Variants in TCHH observed in about 807,000 individuals in gnomAD.
TCHH encodes trichohyalin.
In TCHH, 6 loss-of-function variants were observed where a neutral mutation model predicts 6.3. The observed-to-expected ratio is 0.95, with a 90% CI of 0.52 to 1.88. TCHH has a LOEUF of 1.88. Among genes scored for constraint, TCHH ranks in the 40% most tolerant of loss-of-function variants. The pLI, the probability that TCHH is intolerant of heterozygous loss-of-function variation, is 0.01. For missense variants in TCHH, 2,920 were observed against 2,449.1 expected (o/e 1.19, Z -4.06); for synonymous variants, 1,087 against 963.6 (o/e 1.13, Z -2.37).
In TCHH at chr1:152,111,372, C is replaced by A; in HGVS notation, c.1845G>T (p.Arg615Ser). 1 of 1,612,104 alleles carries A rather than the reference C, an allele frequency of 6.2e-7. No individual in the cohort carries two copies. Among genetic ancestry groups the A allele is most frequent in the Non-Finnish European group, 8.5e-7 (1 of 1,179,460 alleles). ...CCTCGCGCTTCAGCCGCTGCTCGCG[C>A]CTCTCCTCCTGCTCGAGTCTCTCCA... is the stretch of plus-strand genomic sequence containing the variant. ...EEVERLEQEE[R>S]REQRLKREEP... Residue 615 changes from arginine (R) to serine (S), a missense_variant, in exon 3 of 3, where the codon AGG becomes AGT. Transcript: ENST00000614923.
rs780764673 is a variant in TCHH, at chr1:152,108,462, T to C, written c.4755A>G (p.Glu1585=). 2 of 1,613,040 alleles carry C rather than the reference T, an allele frequency of 1.2e-6. No individual in the cohort carries two copies. The highest frequency in any genetic ancestry group is 1.3e-5 in the African/African-American group (1 of 74,698). ...CTTGTTCCTGGCGGCGCACTTTCTG[T>C]TCCTCTAAACGGAATTTTCTGTCAC... The part of the protein sequence containing the change: ...QERDRKFRLE[E]QKVRRQEQER... The change falls in exon 3 of 3, where the codon GAA becomes GAG. Residue 1585 remains glutamate, a synonymous_variant. Transcript: ENST00000614923.
Position 152,109,210 on chromosome 1 carries a change from C to A in TCHH, c.4007G>T (p.Arg1336Ile). The A allele has an allele frequency of 6.2e-7, 1 of 1,613,334 alleles. No homozygotes were observed. The highest frequency in any genetic ancestry group is 8.5e-7 in the Non-Finnish European group (1 of 1,179,276). ...EEKRRRQETD[R>I]KFREEEQLLQ... is the part of the protein sequence containing the mutation. ...CAGCTGTTCCTCCTCGCGGAATTTT[C>A]TGTCTGTCTCTTGACGGCGTCTCTT... Residue 1336 changes from arginine (R) to isoleucine (I), a missense_variant, in exon 3 of 3, where the codon AGA (arginine) becomes ATA (isoleucine). Physicochemically the swap from Arg to Ile is moderately conservative, Grantham distance 97. Coordinates refer to ENST00000614923, the MANE Select transcript of TCHH (RefSeq NM_007113.4).
rs1197023952 is a variant in TCHH at position 152,110,378 on chromosome 1, C to T, written c.2839G>A (p.Glu947Lys). 1 of 1,613,446 alleles carries T rather than the reference C, an allele frequency of 6.2e-7. No homozygotes were observed. Among genetic ancestry groups the T allele is most frequent in the Non-Finnish European group, 8.5e-7 (1 of 1,179,750 alleles). The change falls in exon 3 of 3, where the codon GAA (glutamate) becomes AAA (lysine). Residue 947 changes from glutamate (E) to lysine (K), a missense_variant. Glu to Lys is a moderately conservative substitution (Grantham distance 56, BLOSUM62 1). Coordinates refer to ENST00000614923, the MANE Select transcript of TCHH (RefSeq NM_007113.4). ...QQEEEQLLRE[E>K]REKRRRQERE... ...TCCTGGCGTCTTCTTTTCTCCCGTT[C>T]CTCTCTCAGCAGCTGCTCTTCCTCC...
rs1343926429 is a variant in TCHH at position 152,107,959 on chromosome 1, T to A, written c.5258A>T (p.Glu1753Val). 1 of 1,612,106 alleles carries A rather than the reference T, an allele frequency of 6.2e-7. No homozygotes were observed. Among genetic ancestry groups the A allele is most frequent in the Admixed American group, 1.7e-5 (1 of 59,802 alleles). Residue 1753 changes from glutamate (E) to valine (V), a missense_variant, in exon 3 of 3, where the codon GAG (glutamate) becomes GTG (valine). Coordinates refer to ENST00000614923, the MANE Select transcript of TCHH (RefSeq NM_007113.4). ...TTCTTCCCTTTCCGGACGGAGCTGCTCTTCCTCTAGGATTTTTCTGTAGCG... is the reference window on the plus strand; with the variant it reads ...TTCTTCCCTTTCCGGACGGAGCTGCACTTCCTCTAGGATTTTTCTGTAGCG... The part of the protein sequence containing the change: ...QERYRKILEE[E>V]QLRPEREEQQ...
intron 1 of TCHH, 37 bp from the exon 2 acceptor site, chr1:152,114,148 G>T (rs148062678): frequency 2.0e-6 from 3 of 1,469,550 alleles, no homozygotes; most frequent in Non-Finnish European, 1.8e-6. Context: ...TCAAAATCCC[G>T]TTTCTGCTTT....
Position 152,109,552 on chromosome 1 carries a change from T to A in TCHH, c.3665A>T (p.Asp1222Val). Residue 1222 changes from aspartate (D) to valine (V), a missense_variant, in exon 3 of 3, where the codon GAT (aspartate) becomes GTT (valine). Coordinates refer to ENST00000614923, the MANE Select transcript of TCHH (RefSeq NM_007113.4). ...QRYRDEDQRS[D>V]LKWQWEPEKE... ...TTCTGGTTCCCACTGCCATTTCAGATCACTGCGCTGATCCTCATCCCGGTA... is the reference window on the plus strand; with the variant it reads ...TTCTGGTTCCCACTGCCATTTCAGAACACTGCGCTGATCCTCATCCCGGTA... 6.2e-7 allele frequency: 1 copy of A among 1,614,288 alleles called. No homozygotes were observed. Among genetic ancestry groups the A allele is most frequent in the Admixed American group, 1.7e-5 (1 of 60,034 alleles).
intron 1 of TCHH, 130 bp from the exon 2 acceptor site, chr1:152,114,241 A>G (rs971847538): frequency 3.5e-5 from 22 of 634,910 alleles, no homozygotes; most frequent in African/African-American, 5.6e-5. Flanking sequence ...GGACTTTCAG[A>G]GCACTTTAAT....
chr1:152,108,907 T>C lies in TCHH; in HGVS notation c.4310A>G (p.Gln1437Arg). 1.2e-6 allele frequency: 2 copies of C among 1,612,272 alleles called. No homozygotes were observed. The highest frequency in any genetic ancestry group is 1.7e-6 in the Non-Finnish European group (2 of 1,179,440). The stretch of plus-strand genomic sequence containing the variant: ...CTCTCGTTCCTGGCGGCGCACCTGC[T>C]GTTCCTCTTCACGGAATTTTCTGTC... The part of the protein sequence containing the change: ...ERDRKFREEE[Q>R]QVRRQERERK... The change falls in exon 3 of 3, where the codon CAG (glutamine) becomes CGG (arginine). Residue 1437 changes from glutamine to arginine, a missense_variant. Gln to Arg is a conservative substitution (Grantham distance 43). Coordinates refer to ENST00000614923, the MANE Select transcript of TCHH (RefSeq NM_007113.4).
rs182639950 is a variant in TCHH at position 152,109,466 on chromosome 1, G to A, written c.3751C>T (p.Arg1251Trp). Residue 1251 changes from arginine (R) to tryptophan (W), a missense_variant, in exon 3 of 3, where the codon CGG becomes TGG. Transcript: ENST00000614923. ...YCKGRENEQF[R>W]QLEDSQLRDR... is the part of the protein sequence containing the mutation. ...CGCAGCTGGGAATCTTCCAACTGCC[G>A]GAACTGTTCATTCTCTCTGCCTTTG... is the stretch of plus-strand genomic sequence containing the variant. The A allele has an allele frequency of 3.3e-5, 54 of 1,614,228 alleles. No homozygotes were observed. The East Asian group carries it at 6.5e-4, about 19-fold the overall frequency.
rs1212475173 is a variant in TCHH, at chr1:152,108,769, C to G, written c.4448G>C (p.Arg1483Pro). 2 of 1,612,528 alleles carry G rather than the reference C, an allele frequency of 1.2e-6. No individual in the cohort carries two copies. Among genetic ancestry groups the G allele is most frequent in the South Asian group, 1.1e-5 (1 of 90,974 alleles). ...REEQQLHRQE[R>P]DRKFLEEEQQ... ...TTCCTCCTCCAGGAATTTTCTGTCA[C>G]GCTCTTGGCGGTGCAGCTGCTGTTC... Residue 1483 changes from arginine (R) to proline (P), a missense_variant, in exon 3 of 3, where the codon CGT becomes CCT. Arg to Pro is a moderately radical substitution (Grantham distance 103, BLOSUM62 -2). Transcript: ENST00000614923.
Position 152,112,588 on chromosome 1 carries a change from A to G in TCHH, c.629T>C (p.Leu210Pro), listed in dbSNP as rs763336773. 6.2e-7 allele frequency: 1 copy of G among 1,613,350 alleles called. No homozygotes were observed. Among genetic ancestry groups the G allele is most frequent in the South Asian group, 1.1e-5 (1 of 91,056 alleles). The change falls in exon 3 of 3, where the codon CTG (leucine) becomes CCG (proline). Residue 210 changes from leucine to proline, a missense_variant. Leu to Pro is a moderately conservative substitution (Grantham distance 98). Transcript: ENST00000614923. ...ETEEFPDEEQ[L>P]RRRELLELRR... ...CAGCTCCAGCAGCTCCCGCCTTCGC[A>G]GTTGCTCTTCGTCTGGAAACTCCTC...
rs528288947 is a variant in TCHH, at chr1:152,108,233, G to A, written c.4984C>T (p.Arg1662Cys). ...CGGAATTTTCTGTCGCGGTCGTGAC[G>A]CAGCTGTTGTTCGCGCTCCTGGCGG... ...LRRQEREQQL[R>C]HDRDRKFREE... is the part of the protein sequence containing the mutation. Residue 1662 changes from arginine (R) to cysteine (C), a missense_variant, in exon 3 of 3, where the codon CGT becomes TGT. Coordinates refer to ENST00000614923, the MANE Select transcript of TCHH (RefSeq NM_007113.4). 11 of 1,612,640 alleles carry A rather than the reference G, an allele frequency of 6.8e-6. No homozygotes were observed. In the African/African-American group the frequency reaches 8.0e-5, roughly 12 times the overall value.
At position 152,108,339 on chromosome 1, in the gene TCHH, C is replaced by T; in HGVS notation, c.4878G>A (p.Gln1626=). The change falls in exon 3 of 3, where the codon CAG becomes CAA. Residue 1626 remains glutamine, a synonymous_variant. Transcript: ENST00000614923. Reference sequence around the variant, plus strand: ...GCTGTTCTTCCCTTTCCTGGAGCAGCTGTTCGTCTTCGCGGAATTTTCTGT... The same window carrying T: ...GCTGTTCTTCCCTTTCCTGGAGCAGTTGTTCGTCTTCGCGGAATTTTCTGT... The part of the protein sequence containing the change: ...ERDRKFREDE[Q]LLQEREEQQL... 1 of 1,611,826 alleles carries T rather than the reference C, an allele frequency of 6.2e-7. No homozygotes were observed. The highest frequency in any genetic ancestry group is 8.5e-7 in the Non-Finnish European group (1 of 1,179,046).
chr1:152,111,585 C>T lies in TCHH; in HGVS notation c.1632G>A (p.Glu544=). The T allele has an allele frequency of 6.2e-7, 1 of 1,608,264 alleles. No homozygotes were observed. The highest frequency in any genetic ancestry group is 8.5e-7 in the Non-Finnish European group (1 of 1,177,862). ...CGCGCTTCAGCAGCTGCTCGCGCCT[C>T]TCCTCCTGCTCGCGTCTTAGTTGTT... ...SEQQLRREQE[E]RREQLLKREE... Residue 544 remains glutamate, a synonymous_variant, in exon 3 of 3, where the codon GAG becomes GAA. Coordinates refer to ENST00000614923, the MANE Select transcript of TCHH (RefSeq NM_007113.4).
rs1007926410 is a variant in TCHH at position 152,107,221 on chromosome 1, A to T, written c.*164T>A. The T allele has an allele frequency of 2.9e-6, 2 of 689,936 alleles. No homozygotes were observed. The highest frequency in any genetic ancestry group is 4.6e-6 in the Non-Finnish European group (2 of 431,024). 42.7% of individuals were successfully genotyped at this position (689,936 alleles called of 1,614,324 possible). ...AGGAAGAATAAAAAGCAGAAGTACA[A>T]AGTGCGTAAAATGAGCGTAGTTTAA... is the stretch of plus-strand genomic sequence containing the variant. On this transcript the variant is annotated 3_prime_UTR_variant, in exon 3 of 3. Transcript: ENST00000614923.
In TCHH at chr1:152,108,447, G is replaced by C. The variant is rs1572154793; in HGVS notation, c.4770C>G (p.Arg1590=). The change falls in exon 3 of 3, where the codon CGC becomes CGG. Residue 1590 remains arginine (R), a synonymous_variant. Transcript: ENST00000614923. Reference sequence around the variant, plus strand: ...CCATGAATTTTCTCTCTTGTTCCTGGCGGCGCACTTTCTGTTCCTCTAAAC... The same window carrying C: ...CCATGAATTTTCTCTCTTGTTCCTGCCGGCGCACTTTCTGTTCCTCTAAAC... The part of the protein sequence containing the change: ...KFRLEEQKVR[R]QEQERKFMED... 1.2e-6 allele frequency: 2 copies of C among 1,612,388 alleles called. No homozygotes were observed. The highest frequency in any genetic ancestry group is 1.1e-5 in the South Asian group (1 of 90,990).
At chr1:152,113,153 AT>A in intron 2 of TCHH, 75 bp from the exon 3 acceptor site, 1 of 1,335,158 alleles carries the variant, frequency 7.5e-7, no homozygotes, top group Non-Finnish European at 1.0e-6. Flanking sequence ...CACATGATAT[AT>A]TTTATGCTAT....
At position 152,110,118 on chromosome 1, in the gene TCHH, C is replaced by G; in HGVS notation, c.3099G>C (p.Leu1033=). 1 of 1,612,302 alleles carries G rather than the reference C, an allele frequency of 6.2e-7. No homozygotes were observed. The highest frequency in any genetic ancestry group is 1.1e-5 in the South Asian group (1 of 90,984). Reference sequence around the variant, plus strand: ...TTCTTTTCTCCCGTTCCTCTCTCAGCAGCTGCTCTTCTTCCTGCTGCAGCT... The same window carrying G: ...TTCTTTTCTCCCGTTCCTCTCTCAGGAGCTGCTCTTCTTCCTGCTGCAGCT... ...KDELQQEEEQ[L]LREEREKRRL... is the part of the protein sequence containing the mutation. Residue 1033 remains leucine, a synonymous_variant, in exon 3 of 3, where the codon CTG becomes CTC. Coordinates refer to ENST00000614923, the MANE Select transcript of TCHH (RefSeq NM_007113.4).
Position 152,108,510 on chromosome 1 carries a change from T to C in TCHH, c.4707A>G (p.Glu1569=), listed in dbSNP as rs777300740. 5 of 1,611,292 alleles carry C rather than the reference T, an allele frequency of 3.1e-6. No individual in the cohort carries two copies. In the Admixed American group the frequency reaches 8.4e-5, roughly 27 times the overall value. The change falls in exon 3 of 3, where the codon GAA becomes GAG. Residue 1569 remains glutamate (E), a synonymous_variant. Transcript: ENST00000614923. ...EEEQLRQERE[E]QQLSRQERDR... ...CACGCTCTTGGCGGCTCAGCTGCTG[T>C]TCCTCCCTCTCCTGGCGCAGCTGTT...
Sources: gnomAD v4.1 joint callset for allele counts on GRCh38, gnomAD v4.1.1 for gene constraint, MANE v1.5 for transcripts, NCBI Gene and HGNC (gene_info 2026-07-23, HGNC 2026-07-21) for gene names.